Variants in XPR1 observed in about 807,000 individuals in gnomAD.
The protein encoded by XPR1 is xenotropic and polytropic retrovirus receptor 1.
XPR1 carries 28 observed loss-of-function variants against 87.5 expected under a neutral mutation model. That is an observed-to-expected ratio of 0.32 (90% CI 0.24 to 0.44). The LOEUF (loss-of-function observed/expected upper bound fraction) is 0.44, where lower values mean the gene tolerates loss of function less well. Ranked by LOEUF, XPR1 falls within the 20% of genes least tolerant of loss-of-function variation. The probability of loss-of-function intolerance (pLI) is 1.00; values close to 1 mark genes in which losing one functional copy is unlikely to be tolerated. For synonymous variants in XPR1, 300 were observed against 306.1 expected (o/e 0.98, Z 0.21); for missense variants, 559 against 862.3 (o/e 0.65, Z 4.41).
intron 4 of XPR1, among the ~76,000 whole-genome samples, chr1:180,804,135 G>A (rs1479467369): frequency 3.9e-5 from 6 of 152,046 alleles, no homozygotes; most frequent in South Asian, 2.1e-4. Context: ...ACAGGCGCAC[G>A]CCACCATCCC....
At position 180,824,954 on chromosome 1, in the gene XPR1, C is replaced by T. The variant is rs1031369141; in HGVS notation, c.954+11C>T. On this transcript the variant is annotated intron_variant, in intron 8 of 14. Coordinates refer to ENST00000367590, the MANE Select transcript of XPR1 (RefSeq NM_004736.4). Reference sequence around the variant, plus strand: ...CAACATCTCTTTGAGGTAATCAAAGCAAGACATAACACCTCATGAATATAG... The same window carrying T: ...CAACATCTCTTTGAGGTAATCAAAGTAAGACATAACACCTCATGAATATAG... 5 of 1,611,374 alleles carry T rather than the reference C, an allele frequency of 3.1e-6. No homozygotes were observed. The highest frequency in any genetic ancestry group is 1.3e-5 in the African/African-American group (1 of 74,822).
At chr1:180,676,157 A>G (rs1036012356) in intron 1 of XPR1, among the ~76,000 whole-genome samples, 2 of 152,192 alleles carry the variant, frequency 1.3e-5, no homozygotes, top group Non-Finnish European at 2.9e-5. Flanking sequence ...TGTGTATTAC[A>G]TATCAGAGAT....
intron 2 of XPR1, among the ~76,000 whole-genome samples, chr1:180,753,344 C>T (rs1009325780): frequency 1.4e-4 from 21 of 152,232 alleles, no homozygotes; most frequent in Admixed American, 5.2e-4. Context: ...GCTGGCGAAT[C>T]GCTTGAACTC....
chr1:180,708,908 TTGGGGG>T (rs71787099), intron 2 of XPR1, among the ~76,000 whole-genome samples: 4,024 of 25,608 alleles, frequency 0.16, 126 homozygotes, highest in African/African-American at 0.3. Context: ...TTTTTTTTTT[TTGGGGG>T]GGGGGGGGCG....
intron 1 of XPR1, among the ~76,000 whole-genome samples, chr1:180,648,416 T>C (rs150056927): frequency 1.1e-4 from 16 of 152,340 alleles, no homozygotes; most frequent in African/African-American, 3.6e-4. Context: ...CAGAATTACC[T>C]GGGCTGCTTC....
In XPR1 at chr1:180,872,691, C is replaced by T. The variant is rs1652540965; in HGVS notation, c.1669-1112C>T. Among the ~76,000 whole-genome samples the T allele has an allele frequency of 2.1e-5, 3 of 141,072 alleles. No homozygotes were observed. The Admixed American group carries it at 2.1e-4, about 10-fold the overall frequency. The allele number at this position is 141,072 out of a possible 152,430, so 92.5% of individuals were successfully genotyped here. On this transcript the variant is annotated intron_variant, in intron 12 of 14. Coordinates refer to ENST00000367590, the MANE Select transcript of XPR1 (RefSeq NM_004736.4). ...TGCTTCGGCTCGCGCACGGTGCGCA[C>T]ACACACTGGCCTGCGCCCACTGTCT...
chr1:180,726,938 G>A (rs1045451379), intron 2 of XPR1, among the ~76,000 whole-genome samples: 3 of 151,148 alleles, frequency 2.0e-5, no homozygotes, highest in African/African-American at 4.9e-5. Context: ...GCAGTGGCGC[G>A]TTGTCGGCTC....
At chr1:180,661,939 A>T (rs1655793656) in intron 1 of XPR1, among the ~76,000 whole-genome samples, 1 of 152,180 alleles carries the variant, frequency 6.6e-6, no homozygotes, top group African/African-American at 2.4e-5. Flanking sequence ...CTGACTGCAT[A>T]AAAAAGGAAG....
chr1:180,773,850 T>C (rs1463086193), intron 2 of XPR1, among the ~76,000 whole-genome samples: 1 of 152,232 alleles, frequency 6.6e-6, no homozygotes, highest in African/African-American at 2.4e-5. Flanking sequence ...CATTAGAAAT[T>C]AGTTAAGGTT....
At chr1:180,797,081 T>G (rs1035240779) in intron 3 of XPR1, among the ~76,000 whole-genome samples, 1 of 152,146 alleles carries the variant, frequency 6.6e-6, no homozygotes, top group African/African-American at 2.4e-5. Flanking sequence ...TAAAATTGGA[T>G]TTTTATGATG....
Position 180,811,472 on chromosome 1 carries a change from T to C in XPR1, c.747T>C (p.Ile249=), listed in dbSNP as rs1408457998. 3 of 1,612,734 alleles carry C rather than the reference T, an allele frequency of 1.9e-6. No individual in the cohort carries two copies. The highest frequency in any genetic ancestry group is 2.5e-6 in the Non-Finnish European group (3 of 1,179,314). ...GTGGAATATTCATTGTACTGAATAT[T>C]ACCCTTGTGCTTGCCGGTAAGTAGT... ...LFCGIFIVLN[I]TLVLAAVFKL... is the part of the protein sequence containing the mutation. The change falls in exon 7 of 15, where the codon ATT becomes ATC. Residue 249 remains isoleucine (I), a synonymous_variant. Coordinates refer to ENST00000367590, the MANE Select transcript of XPR1 (RefSeq NM_004736.4).
At chr1:180,776,240 A>G (rs997392177) in intron 2 of XPR1, among the ~76,000 whole-genome samples, 2 of 152,070 alleles carry the variant, frequency 1.3e-5, no homozygotes, top group Non-Finnish European at 2.9e-5. Context: ...TAGGCATTCA[A>G]AGATTGACAT....
At chr1:180,874,814 A>G (rs1652609877) in intron 13 of XPR1, among the ~76,000 whole-genome samples, 1 of 152,244 alleles carries the variant, frequency 6.6e-6, no homozygotes, top group African/African-American at 2.4e-5. Flanking sequence ...GAAATTTGCC[A>G]AATCTGTAGA....
Position 180,862,206 on chromosome 1 carries a change from A to G in XPR1, c.1502-1502A>G, listed in dbSNP as rs984676706. ...TTTTTTTTTTAACTAATTGATTGCAAGTAATTTGCCAACCAGTTGTTTTTC... is the reference window on the plus strand; with the variant it reads ...TTTTTTTTTTAACTAATTGATTGCAGGTAATTTGCCAACCAGTTGTTTTTC... On this transcript the variant is annotated intron_variant, in intron 11 of 14. Transcript: ENST00000367590. 3.3e-5 allele frequency among the ~76,000 whole-genome samples: 5 copies of G among 152,062 alleles called. No homozygotes were observed. The East Asian group carries it at 7.7e-4, about 23-fold the overall frequency.
chr1:180,661,634 C>A (rs1571694567), intron 1 of XPR1, among the ~76,000 whole-genome samples: 1 of 151,888 alleles, frequency 6.6e-6, no homozygotes, highest in Non-Finnish European at 1.5e-5. Context: ...CTTTGGGAGG[C>A]CAAGGGGGGC....
chr1:180,728,720 A>G lies in XPR1; in HGVS notation c.121+46309A>G, dbSNP rs999521924. Among the ~76,000 whole-genome samples the G allele has an allele frequency of 2.6e-5, 4 of 152,250 alleles. No individual in the cohort carries two copies. The South Asian group carries it at 8.3e-4, about 32-fold the overall frequency. ...CTTAGTTGACTTGCTCAGTATTCCA[A>G]AGCTTGTGAGAACAAAACCTGGATT... On this transcript the variant is annotated intron_variant, in intron 2 of 14. Coordinates refer to ENST00000367590, the MANE Select transcript of XPR1 (RefSeq NM_004736.4).
At chr1:180,833,361 T>C (rs995503425) in intron 9 of XPR1, among the ~76,000 whole-genome samples, 2 of 152,176 alleles carry the variant, frequency 1.3e-5, no homozygotes, top group Admixed American at 1.3e-4. Context: ...CTAAATGCCC[T>C]AATTAAAAGA....
chr1:180,633,931 G>T (rs529044432), intron 1 of XPR1, among the ~76,000 whole-genome samples: 1 of 152,346 alleles, frequency 6.6e-6, no homozygotes, highest in South Asian at 2.1e-4. Flanking sequence ...GCTTTGGGCA[G>T]AAGTAATAGT....
chr1:180,681,237 A>G (rs1290885852), intron 1 of XPR1, among the ~76,000 whole-genome samples: 1 of 152,220 alleles, frequency 6.6e-6, no homozygotes, highest in Admixed American at 6.5e-5. Context: ...AAAAAATTAT[A>G]GATGTTTTAG....
Sources: gnomAD v4.1 joint callset for allele counts (sites outside exome capture counted in the v4.1 genomes callset) on GRCh38, gnomAD v4.1.1 for gene constraint, MANE v1.5 for transcripts, NCBI Gene and HGNC (gene_info 2026-07-23, HGNC 2026-07-21) for gene names.